The following MYOC variants were observed in gnomAD, a reference collection of about 807,000 sequenced individuals.
The protein encoded by MYOC is myocilin, also known as juvenile-onset open-angle glaucoma 1.
In MYOC, 29 loss-of-function variants were observed where a neutral mutation model predicts 28.2. That is an observed-to-expected ratio of 1.03 (90% CI 0.77 to 1.40). The LOEUF (loss-of-function observed/expected upper bound fraction) is 1.40. MYOC is among the 40% of genes most tolerant of loss of function. MYOC has a pLI of 0.00. For synonymous variants in MYOC, 240 were observed against 245.6 expected (o/e 0.98, Z 0.21); for missense variants, 569 against 620.6 (o/e 0.92, Z 0.88).
At chr1:171,637,087 T>C (rs1652940700) in intron 2 of MYOC, among the ~76,000 whole-genome samples, 1 of 152,048 alleles carries the variant, frequency 6.6e-6, no homozygotes, top group Non-Finnish European at 1.5e-5. Context: ...TGCATGGGAG[T>C]GGGAGCTATA....
intron 1 of MYOC, among the ~76,000 whole-genome samples, chr1:171,645,376 A>G (rs1653175916): frequency 6.6e-6 from 1 of 152,058 alleles, no homozygotes; most frequent in African/African-American, 2.4e-5. Context: ...CACACGTTGC[A>G]GGTTGCCCTC....
At position 171,652,570 on chromosome 1, in the gene MYOC, C is replaced by G. The variant is rs775057307; in HGVS notation, c.42G>C (p.Glu14Asp). 1 of 1,614,124 alleles carries G rather than the reference C, an allele frequency of 6.2e-7. No individual in the cohort carries two copies. ...FCARCCSFGP[E>D]MPAVQLLLLA... ...GAAGCAGCAGCTGGACAGCTGGCAT[C>G]TCAGGCCCAAAGCTGCAGCAACGTG... The change falls in exon 1 of 3, where the codon GAG (glutamate) becomes GAC (aspartate). Residue 14 changes from glutamate to aspartate, a missense_variant. Physicochemically the swap from Glu to Asp is conservative, Grantham distance 45. Transcript: ENST00000037502.
chr1:171,636,673 G>A lies in MYOC; in HGVS notation c.767C>T (p.Thr256Met), dbSNP rs200072086. The change falls in exon 3 of 3, where the codon ACG (threonine) becomes ATG (methionine). Residue 256 changes from threonine (T) to methionine (M), a missense_variant. Coordinates refer to ENST00000037502, the MANE Select transcript of MYOC (RefSeq NM_000261.2). ...GELVWVGEPL[T>M]LRTAETITGK... ...AGTAATTGTTTCTGCTGTTCTCAGC[G>A]TGAGAGGCTCTCCTACCCAAACTAG... The A allele has an allele frequency of 4.2e-5, 67 of 1,605,324 alleles. No homozygotes were observed. The highest frequency in any genetic ancestry group is 1.6e-4 in the East Asian group (7 of 44,890).
intron 1 of MYOC, among the ~76,000 whole-genome samples, chr1:171,643,629 T>C (rs1404170838): frequency 2.0e-5 from 3 of 152,208 alleles, no homozygotes; most frequent in Non-Finnish European, 4.4e-5. Context: ...CACTGCAGAC[T>C]CTGCCTCAGG....
In MYOC at chr1:171,638,897, C is replaced by A. The variant is rs899150177; in HGVS notation, c.605-175G>T. On this transcript the variant is annotated intron_variant, in intron 1 of 2. Coordinates refer to ENST00000037502, the MANE Select transcript of MYOC (RefSeq NM_000261.2). ...TCACCTGAGGTCAGGAGTTCGAGAC[C>A]AGCCTGGCCAACATGGTGAAACCCT... 3 of 574,438 alleles carry A rather than the reference C, an allele frequency of 5.2e-6. No individual in the cohort carries two copies. In the Admixed American group the frequency reaches 8.1e-5, roughly 16 times the overall value. The allele number at this position is 574,438 out of a possible 1,614,324, so 35.6% of individuals were successfully genotyped here.
intron 1 of MYOC, among the ~76,000 whole-genome samples, chr1:171,643,652 T>G (rs576978109): frequency 6.6e-6 from 1 of 152,326 alleles, no homozygotes; most frequent in South Asian, 2.1e-4. Flanking sequence ...AACTCAAATT[T>G]CTTTTCTTTC....
Position 171,636,525 on chromosome 1 carries a change from G to T in MYOC, c.915C>A (p.Ser305Arg), listed in dbSNP as rs756397695. 1 of 1,609,636 alleles carries T rather than the reference G, an allele frequency of 6.2e-7. No individual in the cohort carries two copies. The highest frequency in any genetic ancestry group is 1.1e-5 in the South Asian group (1 of 90,754). The change falls in exon 3 of 3, where the codon AGC (serine) becomes AGA (arginine). Residue 305 changes from serine to arginine, a missense_variant. Transcript: ENST00000037502. ...VRQVFEYDLI[S>R]QFMQGYPSKV... ...TAGAAGGGTAGCCCTGCATAAACTG[G>T]CTGATGAGGTCATACTCAAAAACCT...
chr1:171,652,585 G>A lies in MYOC; in HGVS notation c.27C>T (p.Cys9=). Residue 9 remains cysteine, a synonymous_variant, in exon 1 of 3, where the codon TGC becomes TGT. Coordinates refer to ENST00000037502, the MANE Select transcript of MYOC (RefSeq NM_000261.2). MRFFCARC[C]SFGPEMPAVQ... is the part of the protein sequence containing the mutation. Reference sequence around the variant, plus strand: ...CAGCTGGCATCTCAGGCCCAAAGCTGCAGCAACGTGCACAGAAGAACCTCA... The same window carrying A: ...CAGCTGGCATCTCAGGCCCAAAGCTACAGCAACGTGCACAGAAGAACCTCA... The A allele has an allele frequency of 6.2e-7, 1 of 1,614,230 alleles. No homozygotes were observed. Among genetic ancestry groups the A allele is most frequent in the African/African-American group, 1.3e-5 (1 of 75,066 alleles).
intron 1 of MYOC, 129 bp from the exon 2 acceptor site, chr1:171,638,851 T>C: frequency 1.9e-6 from 2 of 1,037,526 alleles, no homozygotes; most frequent in Non-Finnish European, 2.9e-6. Flanking sequence ...CCCAGCACTT[T>C]GGGAGGCCGA....
In MYOC at chr1:171,636,655, G is replaced by A; in HGVS notation, c.785C>T (p.Thr262Ile). The part of the protein sequence containing the change: ...GEPLTLRTAE[T>I]ITGKYGVWMR... ...CCACACACCATACTTGCCAGTAATT[G>A]TTTCTGCTGTTCTCAGCGTGAGAGG... Residue 262 changes from threonine to isoleucine, a missense_variant, in exon 3 of 3, where the codon ACA becomes ATA. By Grantham distance (89) the Thr-to-Ile change is moderately conservative. Transcript: ENST00000037502. The A allele has an allele frequency of 3.1e-6, 5 of 1,609,334 alleles. No individual in the cohort carries two copies. Among genetic ancestry groups the A allele is most frequent in the Non-Finnish European group, 4.2e-6 (5 of 1,180,020 alleles).
chr1:171,638,145 A>G (rs950977477), intron 2 of MYOC, among the ~76,000 whole-genome samples: 1 of 152,234 alleles, frequency 6.6e-6, no homozygotes, highest in African/African-American at 2.4e-5. Context: ...GCCAAACTGT[A>G]CTTTTCCTAA....
intron 1 of MYOC, among the ~76,000 whole-genome samples, chr1:171,649,401 G>A (rs1301632689): frequency 2.0e-5 from 3 of 152,048 alleles, no homozygotes; most frequent in Non-Finnish European, 4.4e-5. Context: ...CCTAGATCTG[G>A]CCTTGAAACA....
chr1:171,643,387 CCT>C (rs1360166155), intron 1 of MYOC: 1 of 152,326 alleles, frequency 6.6e-6, no homozygotes, highest in African/African-American at 2.4e-5. Flanking sequence ...CCATCTGTAA[CCT>C]TCCTCTCTGA....
At chr1:171,641,353 C>T (rs10913374) in intron 1 of MYOC, among the ~76,000 whole-genome samples, 3,785 of 152,206 alleles carry the variant, frequency 0.025, 174 homozygotes, top group African/African-American at 0.085. Context: ...CGCCTTTATT[C>T]TTTCCATGGG....
In MYOC at chr1:171,651,995, T is replaced by A. The variant is rs201154896; in HGVS notation, c.604+13A>T. 1 of 1,614,044 alleles carries A rather than the reference T, an allele frequency of 6.2e-7. No individual in the cohort carries two copies. The stretch of plus-strand genomic sequence containing the variant: ...CCTGCTGAACTCAGAGTCCCCCCAC[T>A]CTGCATTCTTACCTTCTCTGGAGCC... On this transcript the variant is annotated intron_variant, in intron 1 of 2. Coordinates refer to ENST00000037502, the MANE Select transcript of MYOC (RefSeq NM_000261.2).
In MYOC at chr1:171,635,910, C is replaced by G; in HGVS notation, c.*15G>C. 1 of 1,613,876 alleles carries G rather than the reference C, an allele frequency of 6.2e-7. No individual in the cohort carries two copies. The highest frequency in any genetic ancestry group is 8.5e-7 in the Non-Finnish European group (1 of 1,179,940). On this transcript the variant is annotated 3_prime_UTR_variant, in exon 3 of 3. Transcript: ENST00000037502. ...GCATCTCCTTCTGCCATTGCCTGTA[C>G]AGCTTGGAGGCTTTTCACATCTTGG...
At position 171,638,689 on chromosome 1, in the gene MYOC, T is replaced by C. The variant is rs1652992119; in HGVS notation, c.638A>G (p.Gln213Arg). The change falls in exon 2 of 3, where the codon CAG becomes CGG. Residue 213 changes from glutamine (Q) to arginine (R), a missense_variant. By Grantham distance (43) the Gln-to-Arg change is conservative. Transcript: ENST00000037502. Reference protein sequence around the residue: ...STWNLDTLAFQELKSELTEVP... With the variant: ...STWNLDTLAFRELKSELTEVP... ...TTCAGTTAGCTCGGACTTCAGTTCC[T>C]GGAAGGCCAAAGTGTCCAAATTCCA... 2 of 1,614,090 alleles carry C rather than the reference T, an allele frequency of 1.2e-6. No homozygotes were observed. The highest frequency in any genetic ancestry group is 1.7e-6 in the Non-Finnish European group (2 of 1,180,028).
In MYOC at chr1:171,636,216, TG is replaced by T; in HGVS notation, c.1223del (p.Pro408GlnfsTer56). 1 of 1,614,178 alleles carries T rather than the reference TG, an allele frequency of 6.2e-7. No individual in the cohort carries two copies. The highest frequency in any genetic ancestry group is 8.5e-7 in the Non-Finnish European group (1 of 1,180,032). On this transcript the variant is annotated frameshift_variant, in exon 3 of 3. Coordinates refer to ENST00000037502, the MANE Select transcript of MYOC (RefSeq NM_000261.2). LOFTEE classifies it low-confidence loss of function (END_TRUNC). ...AGGTTTGTTCGAGTTCCAGATTCTC[TG>T]GGTTCAGTTTGGAGAGGACAATGGC... ...KGAIVLSKLN[P>X]ENLELEQTWE...
chr1:171,650,945 A>C (rs1346982039), intron 1 of MYOC, among the ~76,000 whole-genome samples: 1 of 152,164 alleles, frequency 6.6e-6, no homozygotes, highest in Non-Finnish European at 1.5e-5. Flanking sequence ...CTTCGCAACC[A>C]CAGTATCATT....
Sources: allele counts gnomAD v4.1 joint callset (sites outside exome capture counted in the v4.1 genomes callset), GRCh38; gene constraint gnomAD v4.1.1; transcripts MANE v1.5; gene names NCBI Gene and HGNC (gene_info 2026-07-23, HGNC 2026-07-21).